The following LRP1B variants were observed in gnomAD, a reference collection of about 807,000 sequenced individuals.
LRP1B encodes the protein LDL receptor related protein 1B, also known as low-density lipoprotein receptor-related protein 1B.
In LRP1B, 217 loss-of-function variants were observed where a neutral mutation model predicts 556.6. The ratio of observed to expected loss-of-function variants is 0.39; its 90% CI spans 0.35 to 0.44. The LOEUF (loss-of-function observed/expected upper bound fraction) is 0.44. Ranked by LOEUF, LRP1B falls within the 20% of genes least tolerant of loss-of-function variation. LRP1B has a pLI of 1.00. For synonymous variants in LRP1B, 2,047 were observed against 1,865.8 expected, an observed-to-expected ratio of 1.10 and a Z score of -2.50; for missense variants, 5,053 against 5,620.8, an observed-to-expected ratio of 0.90 and a Z score of 3.23.
At chr2:141,119,356 A>G (rs1162583727) in intron 7 of LRP1B, among the ~76,000 whole-genome samples, 1 of 151,894 alleles carries the variant, frequency 6.6e-6, no homozygotes, top group Non-Finnish European at 1.5e-5. Flanking sequence ...GACTCTCCAA[A>G]TTTTATTTAG....
chr2:140,234,200 G>A lies in LRP1B; in HGVS notation c.13659+586C>T, dbSNP rs572700089. 2.0e-5 allele frequency among the ~76,000 whole-genome samples: 3 copies of A among 151,332 alleles called. No homozygotes were observed. The South Asian group carries it at 6.2e-4, about 31-fold the overall frequency. On this transcript the variant is annotated intron_variant, in intron 90 of 90. Transcript: ENST00000389484. Reference sequence around the variant, plus strand: ...GATGAAAACAGTTGATGGGAAAGACGATAAGGGAGAGAATTCTCATCCCTA... The same window carrying A: ...GATGAAAACAGTTGATGGGAAAGACAATAAGGGAGAGAATTCTCATCCCTA...
At chr2:141,365,662 T>G (rs1313940400) in intron 3 of LRP1B, among the ~76,000 whole-genome samples, 1 of 143,862 alleles carries the variant, frequency 7.0e-6, no homozygotes, top group Non-Finnish European at 1.5e-5. Context: ...TTGCTTTTTT[T>G]TTTTTTTTGA....
At chr2:141,629,342 T>C (rs1688821753) in intron 2 of LRP1B, among the ~76,000 whole-genome samples, 3 of 152,252 alleles carry the variant, frequency 2.0e-5, no homozygotes, top group South Asian at 4.1e-4. Context: ...TGTTTAAACA[T>C]TGCTTTTTAA....
At chr2:140,476,160 G>T (rs1206276782) in intron 59 of LRP1B, among the ~76,000 whole-genome samples, 1 of 151,942 alleles carries the variant, frequency 6.6e-6, no homozygotes, top group Non-Finnish European at 1.5e-5. Flanking sequence ...TTCTCTGTTT[G>T]ATTAAGCCAT....
At chr2:140,551,918 C>T (rs1020497991) in intron 43 of LRP1B, among the ~76,000 whole-genome samples, 3 of 152,116 alleles carry the variant, frequency 2.0e-5, no homozygotes, top group Admixed American at 6.6e-5. Flanking sequence ...ATGTGCAATA[C>T]ATAATTTAAT....
chr2:141,238,767 G>A (rs531849416), intron 5 of LRP1B, among the ~76,000 whole-genome samples: 1 of 152,100 alleles, frequency 6.6e-6, no homozygotes, highest in Non-Finnish European at 1.5e-5. Context: ...TTGAGAAAAA[G>A]AGTGCAGTGA....
chr2:141,022,609 G>T (rs988779307), intron 11 of LRP1B, among the ~76,000 whole-genome samples: 1 of 151,870 alleles, frequency 6.6e-6, no homozygotes, highest in African/African-American at 2.4e-5. Flanking sequence ...GTCTGGTTGG[G>T]TCCTGCCTGA....
Position 140,297,929 on chromosome 2 carries a change from TGGC to T in LRP1B, c.12843_12845del (p.Pro4282del), listed in dbSNP as rs771796220. The T allele has an allele frequency of 6.2e-7, 1 of 1,613,482 alleles. No homozygotes were observed. Among genetic ancestry groups the T allele is most frequent in the Non-Finnish European group, 8.5e-7 (1 of 1,179,618 alleles). On this transcript the variant is annotated inframe_deletion, in exon 84 of 91. Coordinates refer to ENST00000389484, the MANE Select transcript of LRP1B (RefSeq NM_018557.3). Reference sequence around the variant, plus strand: ...CCTCACAGACTGTCTTACCACAGTTTGGCCCAGTGAAACCCAGTGCACAGCTGC... The same window carrying T: ...CCTCACAGACTGTCTTACCACAGTTTCCAGTGAAACCCAGTGCACAGCTGC...
intron 18 of LRP1B, among the ~76,000 whole-genome samples, chr2:140,956,285 T>C (rs182204398): frequency 6.6e-6 from 1 of 151,850 alleles, no homozygotes; most frequent in East Asian, 1.9e-4. Context: ...GGCAGTAAAG[T>C]TTGAATACAA....
At chr2:141,405,842 T>C (rs998221794) in intron 3 of LRP1B, among the ~76,000 whole-genome samples, 8 of 152,112 alleles carry the variant, frequency 5.3e-5, no homozygotes, top group Non-Finnish European at 1.2e-4. Flanking sequence ...TACAACATGA[T>C]AGTAAAACAT....
chr2:141,748,642 T>C (rs1328388075), intron 2 of LRP1B, among the ~76,000 whole-genome samples: 1 of 152,202 alleles, frequency 6.6e-6, no homozygotes, highest in Non-Finnish European at 1.5e-5. Flanking sequence ...TGGTTTTCTG[T>C]AGCATCCCTG....
At chr2:141,162,724 C>A (rs1680089164) in intron 7 of LRP1B, among the ~76,000 whole-genome samples, 1 of 151,960 alleles carries the variant, frequency 6.6e-6, no homozygotes, top group African/African-American at 2.4e-5. Flanking sequence ...GGAATAAAAA[C>A]AATAATATTG....
At chr2:141,493,180 C>T (rs942527076) in intron 2 of LRP1B, among the ~76,000 whole-genome samples, 3 of 152,016 alleles carry the variant, frequency 2.0e-5, no homozygotes, top group African/African-American at 7.2e-5. Flanking sequence ...AGAGTTGTAA[C>T]GCTATTATTT....
intron 84 of LRP1B, among the ~76,000 whole-genome samples, chr2:140,290,940 A>C (rs1391577423): frequency 6.6e-6 from 1 of 152,066 alleles, no homozygotes; most frequent in Non-Finnish European, 1.5e-5. Context: ...TAAATTGCAG[A>C]TTAGGGAAAA....
intron 3 of LRP1B, among the ~76,000 whole-genome samples, chr2:141,358,555 C>A (rs539667433): frequency 1.3e-5 from 2 of 152,350 alleles, no homozygotes; most frequent in South Asian, 2.1e-4. Flanking sequence ...AATCTTCCTA[C>A]TTCTCTCTAT....
At chr2:141,278,076 G>A (rs1463707081) in intron 3 of LRP1B, among the ~76,000 whole-genome samples, 1 of 152,098 alleles carries the variant, frequency 6.6e-6, no homozygotes. Context: ...TGATTCGTGA[G>A]CATGAGTCAA....
intron 11 of LRP1B, among the ~76,000 whole-genome samples, chr2:141,045,285 G>A (rs1698835451): frequency 9.2e-6 from 1 of 108,240 alleles, no homozygotes; most frequent in Non-Finnish European, 1.8e-5. Flanking sequence ...TGGGGGGAGG[G>A]GGGAGGGATA....
chr2:140,409,264 AC>A lies in LRP1B; in HGVS notation c.10415-23256del, dbSNP rs543185269. 1.6e-3 allele frequency among the ~76,000 whole-genome samples: 244 copies of A among 152,022 alleles called. 2 individuals carry two copies. The highest frequency in any genetic ancestry group is 5.6e-3 in the African/African-American group (232 of 41,548). On this transcript the variant is annotated intron_variant, in intron 66 of 90. Coordinates refer to ENST00000389484, the MANE Select transcript of LRP1B (RefSeq NM_018557.3). ...TAGATGTAAAACTTTATAGGTATAA[AC>A]CTATAAAGTCGGTGATGTGATATCT...
At chr2:140,803,392 T>A (rs1317581806) in intron 32 of LRP1B, among the ~76,000 whole-genome samples, 4 of 148,386 alleles carry the variant, frequency 2.7e-5, no homozygotes, top group Admixed American at 1.4e-4. Flanking sequence ...TTCTCCTACC[T>A]CAGCGTCCTG....
Sources: gnomAD v4.1 joint callset for allele counts (sites outside exome capture counted in the v4.1 genomes callset) on GRCh38, gnomAD v4.1.1 for gene constraint, MANE v1.5 for transcripts, NCBI Gene and HGNC (gene_info 2026-07-23, HGNC 2026-07-21) for gene names.